ZNF536: variants seen among roughly 807,000 people sequenced by gnomAD.
The protein encoded by ZNF536 is zinc finger protein 536.
A neutral mutation model predicts 84.5 loss-of-function variants in ZNF536; 13 were observed. That is an observed-to-expected ratio of 0.15 (90% CI 0.10 to 0.24). The LOEUF is 0.24. ZNF536 is among the 10% of genes least tolerant of loss of function. ZNF536 has a pLI of 1.00. For synonymous variants in ZNF536, 811 were observed against 742.5 expected (o/e 1.09, Z -1.50); for missense variants, 1,536 against 1,747.5 (o/e 0.88, Z 2.16).
intron 1 of ZNF536, among the ~76,000 whole-genome samples, chr19:30,686,499 GGGCGCGGT>G (rs1285718632): frequency 1.3e-5 from 2 of 152,202 alleles, no homozygotes; most frequent in African/African-American, 2.4e-5. Context: ...GGCTCACACA[GGGCGCGGT>G]GGCCTCCCCT....
chr19:30,585,528 G>A (rs918283635), intron 1 of ZNF536, among the ~76,000 whole-genome samples: 1 of 152,194 alleles, frequency 6.6e-6, no homozygotes, highest in Non-Finnish European at 1.5e-5. Context: ...AATAGATCTT[G>A]GGAGTATTAG....
intron 1 of ZNF536, among the ~76,000 whole-genome samples, chr19:30,380,090 A>G (rs919783025): frequency 6.6e-6 from 1 of 152,224 alleles, no homozygotes; most frequent in Non-Finnish European, 1.5e-5. Context: ...GAGCAGCTCC[A>G]GCAGGGAGCT....
intron 1 of ZNF536, among the ~76,000 whole-genome samples, chr19:30,639,600 A>T (rs528356869): frequency 1.0e-3 from 158 of 152,348 alleles, no homozygotes; most frequent in African/African-American, 3.7e-3. Flanking sequence ...GAAGATCACC[A>T]TAAGTCAATC....
At chr19:30,412,450 A>G (rs1342898929) in intron 1 of ZNF536, among the ~76,000 whole-genome samples, 1 of 152,062 alleles carries the variant, frequency 6.6e-6, no homozygotes, top group Non-Finnish European at 1.5e-5. Flanking sequence ...AGATATTAAT[A>G]TAGTGAATTA....
Position 30,567,297 on chromosome 19 carries a change from C to A in ZNF536, c.169+17783C>A, listed in dbSNP as rs544959156. ...GGGCCTGGGGAGCACCGTCTTGGAG[C>A]GCGTGGGCGGGGCACTGGGTAGGGA... is the stretch of plus-strand genomic sequence containing the variant. On this transcript the variant is annotated intron_variant, in intron 1 of 1. Coordinates refer to the ZNF536 transcript ENST00000592773. Among the ~76,000 whole-genome samples the A allele has an allele frequency of 8.9e-4, 136 of 152,276 alleles. 4 individuals are homozygous for A. In the South Asian group the frequency reaches 0.028, roughly 31 times the overall value.
chr19:30,227,871 G>A (rs2022710673), upstream of ZNF536, among the ~76,000 whole-genome samples: 1 of 151,956 alleles, frequency 6.6e-6, no homozygotes. Context: ...GAGGCGCGGA[G>A]GGGGCCGGCG....
intron 2 of ZNF536, among the ~76,000 whole-genome samples, chr19:30,511,096 A>C (rs549520884): frequency 1.3e-5 from 2 of 152,236 alleles, no homozygotes; most frequent in South Asian, 4.1e-4. Flanking sequence ...CAGTTTTCAG[A>C]GCCTGAATGG....
At chr19:30,557,088 C>T (rs2045992776) in intron 4 of ZNF536, 69 bp from the exon 5 acceptor site, 1 of 1,564,082 alleles carries the variant, frequency 6.4e-7, no homozygotes, top group East Asian at 2.3e-5. Context: ...TGGCCCTGCC[C>T]TTGCTTTCAA....
At chr19:30,669,135 G>C (rs1352422145) in intron 1 of ZNF536, among the ~76,000 whole-genome samples, 2 of 152,250 alleles carry the variant, frequency 1.3e-5, no homozygotes, top group Admixed American at 1.3e-4. Flanking sequence ...GGGGACAGCA[G>C]GAGCAATTGT....
At position 30,614,580 on chromosome 19, in the gene ZNF536, A is replaced by G. The variant is rs147399536; in HGVS notation, c.169+65066A>G. Among the ~76,000 whole-genome samples, 123 of 152,120 alleles carry G rather than the reference A, an allele frequency of 8.1e-4. 1 individual carries two copies. In the East Asian group the frequency reaches 0.023, roughly 28 times the overall value. ...GGTTTCTGATTGTTTTTATTTGCAT[A>G]TCTTTAATTATGAGTGACATTGAAC... On this transcript the variant is annotated intron_variant, in intron 1 of 1. Transcript: ENST00000592773.
chr19:30,649,373 CTG>C (rs986611363), intron 1 of ZNF536, among the ~76,000 whole-genome samples: 1 of 152,164 alleles, frequency 6.6e-6, no homozygotes, highest in Admixed American at 6.5e-5. Flanking sequence ...ACATACACAG[CTG>C]TGTCTCACTA....
chr19:30,299,698 A>G (rs1173391458), intron 2 of ZNF536, among the ~76,000 whole-genome samples: 1 of 152,204 alleles, frequency 6.6e-6, no homozygotes, highest in Non-Finnish European at 1.5e-5. Flanking sequence ...AAAATAGAAG[A>G]TCTATCATCC....
At chr19:30,513,331 G>C (rs764408854) in intron 2 of ZNF536, among the ~76,000 whole-genome samples, 11 of 152,182 alleles carry the variant, frequency 7.2e-5, no homozygotes, top group Non-Finnish European at 1.6e-4. Context: ...TCAGCGCCTA[G>C]GTTCTTGGAG....
At chr19:30,304,683 G>A (rs776850402) in intron 2 of ZNF536, among the ~76,000 whole-genome samples, 9 of 152,180 alleles carry the variant, frequency 5.9e-5, no homozygotes, top group Non-Finnish European at 1.2e-4. Flanking sequence ...GCAGTGCTTT[G>A]CTCCTATTAA....
intron 1 of ZNF536, among the ~76,000 whole-genome samples, chr19:30,398,553 G>A (rs990604634): frequency 4.6e-5 from 7 of 151,906 alleles, no homozygotes; most frequent in Non-Finnish European, 1.0e-4. Flanking sequence ...TCGCAATCCC[G>A]GACAGGCCCC....
At chr19:30,598,785 G>A (rs889568175) in intron 1 of ZNF536, among the ~76,000 whole-genome samples, 1 of 152,136 alleles carries the variant, frequency 6.6e-6, no homozygotes, top group Admixed American at 6.5e-5. Flanking sequence ...TAAATTTGGG[G>A]ATAGCAGTGG....
At chr19:30,434,984 G>A (rs1730947088) in intron 1 of ZNF536, among the ~76,000 whole-genome samples, 1 of 151,974 alleles carries the variant, frequency 6.6e-6, no homozygotes, top group Admixed American at 6.6e-5. Context: ...TGATGATCGT[G>A]GTGATGATGG....
At chr19:30,364,062 T>C (rs902375069) in intron 3 of ZNF536, among the ~76,000 whole-genome samples, 1 of 152,096 alleles carries the variant, frequency 6.6e-6, no homozygotes, top group Non-Finnish European at 1.5e-5. Context: ...GTGAGATGTA[T>C]AGGATATAGC....
intron 3 of ZNF536, among the ~76,000 whole-genome samples, chr19:30,546,336 C>T (rs2045557630): frequency 6.6e-6 from 1 of 152,216 alleles, no homozygotes; most frequent in African/African-American, 2.4e-5. Flanking sequence ...ATGACTGTGA[C>T]CTTTACGTTT....
Sources: allele counts gnomAD v4.1 joint callset (sites outside exome capture counted in the v4.1 genomes callset), GRCh38; gene constraint gnomAD v4.1.1; transcripts MANE v1.5; gene names NCBI Gene and HGNC (gene_info 2026-07-23, HGNC 2026-07-21).